PCED1A: variants seen among roughly 807,000 people sequenced by gnomAD.
PCED1A encodes the protein PC-esterase domain containing 1A, also known as PC-esterase domain-containing protein 1A.
In PCED1A, 20 loss-of-function variants were observed where a neutral mutation model predicts 41.9. The ratio of observed to expected loss-of-function variants is 0.48; its 90% confidence interval spans 0.34 to 0.69. PCED1A has a LOEUF of 0.69. PCED1A is among the 30% of genes least tolerant of loss of function. The pLI is 0.01. For missense variants in PCED1A, 498 were observed against 602.1 expected (o/e 0.83, Z 1.81); for synonymous variants, 236 against 241.3 (o/e 0.98, Z 0.20).
In PCED1A at chr20:2,838,214, A is replaced by C; in HGVS notation, c.841+18T>G. ...GGCCCCAGTGCATCACTACCCCCCC[A>C]CTTATGGTAGGGCTCACCAGGGGGA... On this transcript the variant is annotated intron_variant, in intron 6 of 7. Transcript: ENST00000360652. This position sits in a 1 kb window ranked among gnomAD's most constrained non-coding sequence, Gnocchi z 5.8. 1 of 1,613,404 alleles carries C rather than the reference A, an allele frequency of 6.2e-7. No homozygotes were observed. The highest frequency in any genetic ancestry group is 1.1e-5 in the South Asian group (1 of 91,044).
At chr20:2,836,940 C>T (rs1243697787) in intron 6 of PCED1A, among the ~76,000 whole-genome samples, 1 of 152,206 alleles carries the variant, frequency 6.6e-6, no homozygotes, top group Non-Finnish European at 1.5e-5. Context: ...CTGTCTCCCT[C>T]ACAGCTGCCA....
At chr20:2,835,944 C>A (rs1227753836) in intron 7 of PCED1A, 95 bp downstream of exon 7, 2 of 1,448,000 alleles carry the variant, frequency 1.4e-6, no homozygotes, top group Non-Finnish European at 1.8e-6. Context: ...GTGCTAGGGG[C>A]ACAAGGAGCT....
At position 2,840,574 on chromosome 20, in the gene PCED1A, G is replaced by C. The variant is rs1568619051; in HGVS notation, c.-385C>G. ...GCCGCCACAGGGCGCAGGAGCCAGG[G>C]CTGGGCCCACTTGGCGGGCGCGAAG... is the stretch of plus-strand genomic sequence containing the variant. On this transcript the variant is annotated 5_prime_UTR_variant, in exon 1 of 8. Coordinates refer to ENST00000360652, the MANE Select transcript of PCED1A (RefSeq NM_022760.6). 10 of 619,340 alleles carry C rather than the reference G, an allele frequency of 1.6e-5. No individual in the cohort carries two copies. Among genetic ancestry groups the C allele is most frequent in the Non-Finnish European group, 2.8e-5 (10 of 354,010 alleles). The allele number at this position is 619,340 out of a possible 1,614,324, so 38.4% of individuals were successfully genotyped here.
Position 2,838,837 on chromosome 20 carries a change from C to G in PCED1A, c.443+7G>C. ...CCAACCAGTATTCCCCTTTCCCTCG[C>G]CCCAACCTGGAGAGATCCCAGAGGC... On this transcript the variant is annotated splice_region_variant and intron_variant, in intron 4 of 7. Transcript: ENST00000360652. This position sits in a 1 kb window ranked among gnomAD's most constrained non-coding sequence, Gnocchi z 5.8. 4 of 1,614,204 alleles carry G rather than the reference C, an allele frequency of 2.5e-6. No homozygotes were observed. The highest frequency in any genetic ancestry group is 3.4e-6 in the Non-Finnish European group (4 of 1,180,036).
chr20:2,839,848 T>A lies in PCED1A; in HGVS notation c.65A>T (p.Gln22Leu). ...RPLRSDMVHF[Q>L]ASEVQQLLHN... ...TAGCAGCTGCTGGACTTCCGAGGCC[T>A]GGAAGTGGACCATGTCGCTTCGCAG... is the stretch of plus-strand genomic sequence containing the variant. The change falls in exon 2 of 8, where the codon CAG (glutamine) becomes CTG (leucine). Residue 22 changes from glutamine to leucine, a missense_variant. By Grantham distance (113) the Gln-to-Leu change is moderately radical. Coordinates refer to ENST00000360652, the MANE Select transcript of PCED1A (RefSeq NM_022760.6). 6.2e-7 allele frequency: 1 copy of A among 1,614,170 alleles called. No individual in the cohort carries two copies. The highest frequency in any genetic ancestry group is 8.5e-7 in the Non-Finnish European group (1 of 1,180,008).
chr20:2,838,678 A>G lies in PCED1A; in HGVS notation c.512T>C (p.Val171Ala). 6.2e-7 allele frequency: 1 copy of G among 1,614,166 alleles called. No homozygotes were observed. Residue 171 changes from valine to alanine, a missense_variant, in exon 5 of 8, where the codon GTA (valine) becomes GCA (alanine). Physicochemically the swap from Val to Ala is moderately conservative, Grantham distance 64. Coordinates refer to ENST00000360652, the MANE Select transcript of PCED1A (RefSeq NM_022760.6). The surrounding 1 kb of genome is among the most constrained non-coding windows in gnomAD (Gnocchi z 5.8). ...LERVFVRMDQ[V>A]LPDSCLLVWN... ...CACCAGCAGGCAGGAGTCTGGCAATACTTGGTCCATGCGCACAAACACCCG... is the reference window on the plus strand; with the variant it reads ...CACCAGCAGGCAGGAGTCTGGCAATGCTTGGTCCATGCGCACAAACACCCG...
At chr20:2,839,728 G>C (rs978466871) in intron 2 of PCED1A, 61 bp downstream of exon 2, 37 of 1,596,888 alleles carry the variant, frequency 2.3e-5, no homozygotes, top group Non-Finnish European at 3.1e-5. Flanking sequence ...AAATGGTCCA[G>C]ACACACTGAA....
rs1220531112 is a variant in PCED1A at position 2,840,572 on chromosome 20, G to A, written c.-383C>T. ...TGGCCGCCACAGGGCGCAGGAGCCA[G>A]GGCTGGGCCCACTTGGCGGGCGCGA... On this transcript the variant is annotated 5_prime_UTR_variant, in exon 1 of 8. Transcript: ENST00000360652. 1 of 616,638 alleles carries A rather than the reference G, an allele frequency of 1.6e-6. No homozygotes were observed. Among genetic ancestry groups the A allele is most frequent in the African/African-American group, 1.9e-5 (1 of 52,140 alleles). The allele number at this position is 616,638 out of a possible 1,614,324, so 38.2% of individuals were successfully genotyped here. A position where few individuals can be genotyped will look rare whatever the true frequency, so the allele number is the denominator to read the frequency against.
chr20:2,837,343 G>A (rs1442544683), intron 6 of PCED1A, among the ~76,000 whole-genome samples: 1 of 152,018 alleles, frequency 6.6e-6, no homozygotes, highest in Non-Finnish European at 1.5e-5. Context: ...TGCCATAATC[G>A]GCCTTCTAAC....
chr20:2,841,090 C>G (rs1238477415), upstream of PCED1A: 1 of 526,850 alleles, frequency 1.9e-6, no homozygotes, highest in East Asian at 3.4e-5. Flanking sequence ...GCTCAGATCT[C>G]GCTGAGGGAG....
intron 6 of PCED1A, among the ~76,000 whole-genome samples, chr20:2,836,886 G>A (rs777001905): frequency 6.6e-6 from 1 of 151,996 alleles, no homozygotes; most frequent in African/African-American, 2.4e-5. Flanking sequence ...TTTTGTTTCC[G>A]CCATAGCCCC....
chr20:2,839,384 T>C, intron 2 of PCED1A, 113 bp from the exon 3 acceptor site: 1 of 969,196 alleles, frequency 1.0e-6, no homozygotes, highest in Non-Finnish European at 1.6e-6. Flanking sequence ...AGCTCTGTGG[T>C]TGACTTAGAC....
upstream of PCED1A, chr20:2,841,083 C>T (rs2088965931): frequency 1.9e-6 from 1 of 538,648 alleles, no homozygotes. Flanking sequence ...GAAAGATGCT[C>T]AGATCTCGCT....
In PCED1A at chr20:2,835,564, C is replaced by G. The variant is rs758841760; in HGVS notation, c.1263G>C (p.Met421Ile). The change falls in exon 8 of 8, where the codon ATG becomes ATC. Residue 421 changes from methionine to isoleucine, a missense_variant. This residue lies in a region of PCED1A where 245 missense variants were observed against 232.4 expected (regional missense o/e 1.05). Transcript: ENST00000360652. ...TGAGCCGCTGCCTGCAGGGCCCCCC[C>G]ATTCTCCGCACATGGTAGGGGCTGT... ...VPNSPYHVRRMGGPCRQRLRH... is the reference protein window; with the variant it reads ...VPNSPYHVRRIGGPCRQRLRH... 21 of 1,614,098 alleles carry G rather than the reference C, an allele frequency of 1.3e-5. No homozygotes were observed. Among genetic ancestry groups the G allele is most frequent in the Non-Finnish European group, 1.6e-5 (19 of 1,180,030 alleles).
rs201552490 is a variant in PCED1A, at chr20:2,839,789, T to C, written c.124A>G (p.Ile42Val). The part of the protein sequence containing the change: ...NKFVVILGDS[I>V]QRAVYKDLVL... ...GCGTCACCCTAGAAGAGGCACTCAC[T>C]GGAGTCCCCCAAGATGACCACGAAC... The change falls in exon 2 of 8, where the codon ATT becomes GTT. Residue 42 changes from isoleucine to valine, a missense_variant and splice_region_variant. By Grantham distance (29) the Ile-to-Val change is conservative (BLOSUM62 3). Transcript: ENST00000360652. 124 of 1,613,976 alleles carry C rather than the reference T, an allele frequency of 7.7e-5. No individual in the cohort carries two copies. The highest frequency in any genetic ancestry group is 9.9e-5 in the Non-Finnish European group (117 of 1,179,978).
chr20:2,840,058 G>T, intron 1 of PCED1A, 125 bp from the exon 2 acceptor site: 1 of 1,043,582 alleles, frequency 9.6e-7, no homozygotes, highest in Non-Finnish European at 1.3e-6. Flanking sequence ...CCATGGTGGC[G>T]CCAGCCTTGG....
rs763960537 is a variant in PCED1A at position 2,835,513 on chromosome 20, T to C, written c.1314A>G (p.Thr438=). Residue 438 remains threonine, a synonymous_variant, in exon 8 of 8, where the codon ACA becomes ACG. Coordinates refer to ENST00000360652, the MANE Select transcript of PCED1A (RefSeq NM_022760.6). The part of the protein sequence containing the change: ...RLRHSERLIH[T]YKLDRRPPAH... ...CAGGAGGCCGTCTGTCCAGTTTGTA[T>C]GTGTGGATCAGTCTCTCTGAGTGTC... 4 of 1,614,024 alleles carry C rather than the reference T, an allele frequency of 2.5e-6. No homozygotes were observed. The highest frequency in any genetic ancestry group is 2.2e-5 in the East Asian group (1 of 44,894).
chr20:2,840,795 C>T (rs1220340857), upstream of PCED1A: 2 of 1,548,278 alleles, frequency 1.3e-6, no homozygotes, highest in Non-Finnish European at 1.7e-6. Context: ...ACACGGCGAA[C>T]TGGAACCCAC....
intron 6 of PCED1A, 68 bp from the exon 7 acceptor site, chr20:2,836,382 C>T: frequency 7.5e-7 from 1 of 1,329,636 alleles, no homozygotes; most frequent in East Asian, 2.3e-5. Flanking sequence ...GCCATCCACA[C>T]TTCTAAAGCT....
Sources: gnomAD v4.1 joint callset for allele counts (sites outside exome capture counted in the v4.1 genomes callset) on GRCh38, gnomAD v4.1.1 for gene constraint, gnomAD v4.1.1 regional missense constraint, Gnocchi (gnomAD v3.1) non-coding constraint, MANE v1.5 for transcripts, NCBI Gene and HGNC (gene_info 2026-07-23, HGNC 2026-07-21) for gene names.